Variants in BOD1 observed in about 807,000 individuals in gnomAD.
BOD1 encodes the protein biorientation of chromosomes in cell division 1, also known as biorientation of chromosomes in cell division protein 1.
A neutral mutation model predicts 15.7 loss-of-function variants in BOD1; 11 were observed. The ratio of observed to expected loss-of-function variants is 0.70; its 90% confidence interval spans 0.44 to 1.16. BOD1 has a LOEUF of 1.16. Among genes scored for constraint, BOD1 ranks in the 50% most tolerant of loss-of-function variants. The pLI, the probability that BOD1 is intolerant of heterozygous loss-of-function variation, is 0.00. For synonymous variants in BOD1, 105 were observed against 103.5 expected, an observed-to-expected ratio of 1.01 and a Z score of -0.09; for missense variants, 182 against 244.5, an observed-to-expected ratio of 0.74 and a Z score of 1.70.
At position 173,616,479 on chromosome 5, in the gene BOD1, T is replaced by C; in HGVS notation, c.-43A>G. 1 of 1,554,730 alleles carries C rather than the reference T, an allele frequency of 6.4e-7. No homozygotes were observed. Among genetic ancestry groups the C allele is most frequent in the African/African-American group, 1.4e-5 (1 of 70,570 alleles). On this transcript the variant is annotated 5_prime_UTR_variant, in exon 1 of 4. Coordinates refer to ENST00000311086, the MANE Select transcript of BOD1 (RefSeq NM_138369.3). ...ACAAGGGAGAACGACTATAGCTTCTTCTCCAGGACAGAAGGCCTAGAACGT... is the reference window on the plus strand; with the variant it reads ...ACAAGGGAGAACGACTATAGCTTCTCCTCCAGGACAGAAGGCCTAGAACGT...
chr5:173,608,154 C>G lies in BOD1; in HGVS notation c.*140G>C, dbSNP rs569468450. On this transcript the variant is annotated 3_prime_UTR_variant, in exon 4 of 4. Transcript: ENST00000311086. ...CTGCCGAACTTGCTCCCCTTTCAAT[C>G]TGGTCACTGCCCATGGTCAAGGTTG... 9.6e-7 allele frequency: 1 copy of G among 1,041,642 alleles called. No homozygotes were observed. Among genetic ancestry groups the G allele is most frequent in the Non-Finnish European group, 1.5e-6 (1 of 670,296 alleles). The allele number at this position is 1,041,642 out of a possible 1,614,324, so 64.5% of individuals were successfully genotyped here. A position where few individuals can be genotyped will look rare whatever the true frequency, so the allele number is the denominator to read the frequency against.
rs776090036 is a variant in BOD1, at chr5:173,608,282, T to C, written c.*12A>G. 6.2e-7 allele frequency: 1 copy of C among 1,610,662 alleles called. No individual in the cohort carries two copies. Among genetic ancestry groups the C allele is most frequent in the Non-Finnish European group, 8.5e-7 (1 of 1,176,808 alleles). ...ACCAAAAATTAGCTTTCAAAAGGTGTCTGGCGTATTCTAAAAAGGAAAGAT... is the reference window on the plus strand; with the variant it reads ...ACCAAAAATTAGCTTTCAAAAGGTGCCTGGCGTATTCTAAAAAGGAAAGAT... On this transcript the variant is annotated 3_prime_UTR_variant, in exon 4 of 4. Transcript: ENST00000311086.
At chr5:173,608,346 T>C in intron 3 of BOD1, 54 bp from the exon 4 acceptor site, 4 of 1,302,340 alleles carry the variant, frequency 3.1e-6, no homozygotes, top group Non-Finnish European at 4.4e-6. Flanking sequence ...ACAGACTATA[T>C]TCACTTTTAT....
At chr5:173,609,505 A>G (rs1755292761) in intron 2 of BOD1, 71 bp from the exon 3 acceptor site, 2 of 1,430,522 alleles carry the variant, frequency 1.4e-6, no homozygotes, top group Non-Finnish European at 1.9e-6. Flanking sequence ...AATAAGTGTC[A>G]CGTGCGAGCC....
chr5:173,612,880 T>A (rs1328235857), intron 2 of BOD1, among the ~76,000 whole-genome samples: 3 of 152,216 alleles, frequency 2.0e-5, no homozygotes, highest in Non-Finnish European at 4.4e-5. Flanking sequence ...TGTCTCACGA[T>A]TTGGAATGCC....
Position 173,616,503 on chromosome 5 carries a change from G to A in BOD1, c.-67C>T. 4.0e-6 allele frequency: 6 copies of A among 1,515,500 alleles called. No homozygotes were observed. Among genetic ancestry groups the A allele is most frequent in the Admixed American group, 2.1e-5 (1 of 48,034 alleles). 93.9% of individuals were successfully genotyped at this position (1,515,500 alleles called of 1,614,324 possible). A position where few individuals can be genotyped will look rare whatever the true frequency, so the allele number is the denominator to read the frequency against. On this transcript the variant is annotated 5_prime_UTR_variant, in exon 1 of 4. In the 5' UTR this introduces an upstream ATG that the reference lacks. Coordinates refer to ENST00000311086, the MANE Select transcript of BOD1 (RefSeq NM_138369.3). ...TTCTCCAGGACAGAAGGCCTAGAAC[G>A]TGTAGAGGTGGTGAAGGGGGCGGTG...
intron 2 of BOD1, among the ~76,000 whole-genome samples, chr5:173,611,627 A>G (rs1052139093): frequency 6.6e-6 from 1 of 152,206 alleles, no homozygotes; most frequent in African/African-American, 2.4e-5. Context: ...AACTTCCGAA[A>G]GGAGGAAAGT....
rs73804907 is a variant in BOD1, at chr5:173,607,317, G to A, written c.*977C>T. ...GATGACAAACACTGACACATACCAC[G>A]GACTACCTCAACTAAAGACCAGTGT... On this transcript the variant is annotated 3_prime_UTR_variant, in exon 4 of 4. Coordinates refer to ENST00000311086, the MANE Select transcript of BOD1 (RefSeq NM_138369.3). Among the ~76,000 whole-genome samples the A allele has an allele frequency of 2.5e-3, 376 of 152,234 alleles. 1 individual carries two copies. The highest frequency in any genetic ancestry group is 8.0e-3 in the African/African-American group (333 of 41,522).
chr5:173,612,133 A>T (rs1423911709), intron 2 of BOD1, among the ~76,000 whole-genome samples: 1 of 152,276 alleles, frequency 6.6e-6, no homozygotes, highest in Admixed American at 6.5e-5. Flanking sequence ...TTCTGCTATC[A>T]GGCTTCTTCC....
In BOD1 at chr5:173,613,130, C is replaced by G; in HGVS notation, c.362+1G>C. The stretch of plus-strand genomic sequence containing the variant: ...AAAAGCTTTAAATTCTGCTTACTTA[C>G]TGAACCACACTCTGCCTCAGACCAT... On this transcript the variant is annotated splice_donor_variant, in intron 2 of 3. Transcript: ENST00000311086. LOFTEE classifies it high-confidence loss of function. 6.2e-7 allele frequency: 1 copy of G among 1,613,324 alleles called. No homozygotes were observed. The highest frequency in any genetic ancestry group is 8.5e-7 in the Non-Finnish European group (1 of 1,179,714).
At chr5:173,611,126 G>A (rs1435848202) in intron 2 of BOD1, among the ~76,000 whole-genome samples, 1 of 152,196 alleles carries the variant, frequency 6.6e-6, no homozygotes, top group Non-Finnish European at 1.5e-5. Flanking sequence ...CCAAGGGAGT[G>A]CAGCTCACTT....
chr5:173,613,223 A>G lies in BOD1; in HGVS notation c.270T>C (p.Asp90=). Reference sequence around the variant, plus strand: ...TGTCCAGATGTGTTGACACAAAATTATCCACTTTCTGCCTCAGGTTTTGGT... The same window carrying G: ...TGTCCAGATGTGTTGACACAAAATTGTCCACTTTCTGCCTCAGGTTTTGGT... ...PAYQNLRQKV[D]NFVSTHLDKQ... The change falls in exon 2 of 4, where the codon GAT becomes GAC. Residue 90 remains aspartate (D), a synonymous_variant. Transcript: ENST00000311086. 2 of 1,614,152 alleles carry G rather than the reference A, an allele frequency of 1.2e-6. No homozygotes were observed. The highest frequency in any genetic ancestry group is 1.7e-6 in the Non-Finnish European group (2 of 1,179,972).
chr5:173,615,436 C>T (rs1755468400), intron 1 of BOD1, among the ~76,000 whole-genome samples: 1 of 152,248 alleles, frequency 6.6e-6, no homozygotes, highest in African/African-American at 2.4e-5. Context: ...GGAGAAATCA[C>T]TACCCTGCAG....
intron 2 of BOD1, among the ~76,000 whole-genome samples, chr5:173,611,921 G>A (rs559048406): frequency 4.5e-4 from 68 of 152,238 alleles, no homozygotes; most frequent in Non-Finnish European, 7.8e-4. Context: ...GTAAACACAA[G>A]TGACTTTAGC....
At chr5:173,614,923 C>G (rs774966519) in intron 1 of BOD1, 1 of 152,232 alleles carries the variant, frequency 6.6e-6, no homozygotes, top group Non-Finnish European at 1.5e-5. Flanking sequence ...TACCTGAACA[C>G]AAGTACTTCC....
At chr5:173,615,584 C>G (rs1755472813) in intron 1 of BOD1, among the ~76,000 whole-genome samples, 2 of 152,228 alleles carry the variant, frequency 1.3e-5, no homozygotes. Flanking sequence ...CCAAACCACC[C>G]TGACGAGTAG....
chr5:173,612,851 C>T (rs560197856), intron 2 of BOD1, among the ~76,000 whole-genome samples: 1 of 152,328 alleles, frequency 6.6e-6, no homozygotes, highest in South Asian at 2.1e-4. Context: ...AACACTGAAA[C>T]TTCAAAGAGC....
chr5:173,612,518 C>T (rs1755381655), intron 2 of BOD1, among the ~76,000 whole-genome samples: 1 of 152,234 alleles, frequency 6.6e-6, no homozygotes, highest in Admixed American at 6.5e-5. Context: ...CTCACCCCCT[C>T]CTCCCATCCG....
rs1167569945 is a variant in BOD1, at chr5:173,607,724, T to C, written c.*570A>G. The C allele has an allele frequency of 1.3e-5, 2 of 153,308 alleles. No homozygotes were observed. Among genetic ancestry groups the C allele is most frequent in the African/African-American group, 4.8e-5 (2 of 41,448 alleles). The allele number at this position is 153,308 out of a possible 1,614,324, so 9.5% of individuals were successfully genotyped here. A position where few individuals can be genotyped will look rare whatever the true frequency, so the allele number is the denominator to read the frequency against. ...ACTTCTCATACATTCTAGGATTTCA[T>C]GTTTCGTTACAAAGGAAAGGAAACT... On this transcript the variant is annotated 3_prime_UTR_variant, in exon 4 of 4. Transcript: ENST00000311086.
Sources: gnomAD v4.1 joint callset for allele counts (sites outside exome capture counted in the v4.1 genomes callset) on GRCh38, gnomAD v4.1.1 for gene constraint, MANE v1.5 for transcripts, NCBI Gene and HGNC (gene_info 2026-07-23, HGNC 2026-07-21) for gene names.